KHDRBS1: variants seen among roughly 807,000 people sequenced by gnomAD.
KHDRBS1 encodes the protein KH domain-containing, RNA-binding, signal transduction-associated protein 1.
Under a neutral mutation model 48.4 loss-of-function variants are expected in KHDRBS1, and 7 were observed. That is an observed-to-expected ratio of 0.14 (90% CI 0.08 to 0.27). KHDRBS1 has a LOEUF of 0.27. KHDRBS1 is among the 10% of genes least tolerant of loss of function. The pLI is 1.00. For synonymous variants in KHDRBS1, 241 were observed against 235.8 expected (o/e 1.02, Z -0.20); for missense variants, 458 against 601.2 (o/e 0.76, Z 2.49).
intron 1 of KHDRBS1, among the ~76,000 whole-genome samples, chr1:32,021,947 A>T (rs1412448896): frequency 7.0e-6 from 1 of 142,812 alleles, no homozygotes; most frequent in East Asian, 2.1e-4. Context: ...CACCACACCC[A>T]GCGGCACATT....
Position 32,049,374 on chromosome 1 carries a change from C to CG in KHDRBS1, n.1301+3986dup, listed in dbSNP as rs563745208. ...TCAGCTGACTGGCCTCCTTTCACTT[C>CG]GGATGTTTTCAAGGTTCATCCATGT... On this transcript the variant is annotated intron_variant and non_coding_transcript_variant, in intron 10 of 10. Transcript: ENST00000484270. 8.6e-5 allele frequency among the ~76,000 whole-genome samples: 13 copies of CG among 151,610 alleles called. No individual in the cohort carries two copies. In the East Asian group the frequency reaches 2.5e-3, roughly 29 times the overall value.
rs779302687 is a variant in KHDRBS1, at chr1:32,014,057, T to C, written c.62T>C (p.Met21Thr). Residue 21 changes from methionine (M) to threonine (T), a missense_variant, in exon 1 of 9, where the codon ATG (methionine) becomes ACG (threonine). This residue lies in a region of KHDRBS1 where 213 missense variants were observed against 215.6 expected (regional missense o/e 0.99). Transcript: ENST00000327300. ...MSRSSGRSGSMDPSGAHPSVR... is the reference protein window; with the variant it reads ...MSRSSGRSGSTDPSGAHPSVR... ...CGGTCTTCGGGCCGTAGCGGCTCCA[T>C]GGACCCCTCCGGTGCCCACCCCTCG... 22 of 1,511,450 alleles carry C rather than the reference T, an allele frequency of 1.5e-5. No individual in the cohort carries two copies. Among genetic ancestry groups the C allele is most frequent in the Non-Finnish European group, 1.7e-5 (19 of 1,140,260 alleles). The allele number at this position is 1,511,450 out of a possible 1,614,324, so 93.6% of individuals were successfully genotyped here.
chr1:32,016,499 G>T (rs1638743317), intron 1 of KHDRBS1, among the ~76,000 whole-genome samples: 1 of 151,776 alleles, frequency 6.6e-6, no homozygotes, highest in Admixed American at 6.6e-5. Context: ...ATCTATCTGG[G>T]ATGATAGGTG....
chr1:32,031,669 C>T, intron 3 of KHDRBS1, 29 bp downstream of exon 3: 4 of 1,375,144 alleles, frequency 2.9e-6, no homozygotes, highest in African/African-American at 1.5e-5. Flanking sequence ...GGCAAGAGGA[C>T]ATCCTAATGC....
rs1209701252 is a variant in KHDRBS1, at chr1:32,042,880, T to C, written c.*256T>C. 2 of 270,618 alleles carry C rather than the reference T, an allele frequency of 7.4e-6. No homozygotes were observed. Among genetic ancestry groups the C allele is most frequent in the African/African-American group, 2.2e-5 (1 of 45,516 alleles). 16.8% of individuals were successfully genotyped at this position (270,618 alleles called of 1,614,324 possible). On this transcript the variant is annotated 3_prime_UTR_variant, in exon 9 of 9. Coordinates refer to ENST00000327300, the MANE Select transcript of KHDRBS1 (RefSeq NM_006559.3). ...TTAAGTGTGTAGATGCTTTTTTCTT[T>C]GTTGTTTAAATATAAACAGAAGTGT...
intron 1 of KHDRBS1, among the ~76,000 whole-genome samples, chr1:32,028,128 A>G (rs10914522): frequency 0.015 from 2,359 of 152,306 alleles, 22 homozygotes; most frequent in Middle Eastern, 0.058. Context: ...AAAAATAATA[A>G]TTAATAAATA....
intron 10 of KHDRBS1, among the ~76,000 whole-genome samples, chr1:32,049,666 A>AT (rs927296646): frequency 1.9e-3 from 262 of 137,656 alleles, no homozygotes; most frequent in East Asian, 7.9e-3. Context: ...TTTATTTTTT[A>AT]TTTTTTTTTT....
At chr1:32,045,377 A>G (rs909563876), downstream of KHDRBS1, 20 of 152,654 alleles carry the variant, frequency 1.3e-4, no homozygotes, top group African/African-American at 4.8e-4. Flanking sequence ...ATGGGTAGTG[A>G]AGACCCATGT....
rs901123254 is a variant in KHDRBS1 at position 32,042,935 on chromosome 1, T to TA, written c.*323dup. The TA allele has an allele frequency of 7.4e-3, 1,151 of 155,762 alleles. 1 individual carries two copies. Among genetic ancestry groups the TA allele is most frequent in the Middle Eastern group, 0.018 (6 of 338 alleles). 9.6% of individuals were successfully genotyped at this position (155,762 alleles called of 1,614,324 possible). ...TTTATAATAAAAAAAAGAAGTTGAG[T>TA]AAAAAAAAAAAACACACAAACCTGT... On this transcript the variant is annotated 3_prime_UTR_variant, in exon 9 of 9. Transcript: ENST00000327300.
chr1:32,058,091 CTG>C (rs1323238272), intron 10 of KHDRBS1, among the ~76,000 whole-genome samples: 4 of 151,178 alleles, frequency 2.6e-5, no homozygotes, highest in African/African-American at 9.7e-5. Flanking sequence ...GTACTCCAGA[CTG>C]GGCAATAAGA....
chr1:32,050,525 T>C (rs1334832738), intron 10 of KHDRBS1, among the ~76,000 whole-genome samples: 1 of 152,132 alleles, frequency 6.6e-6, no homozygotes, highest in Non-Finnish European at 1.5e-5. Flanking sequence ...GTTTGTTTGT[T>C]TTTTGGAGAC....
chr1:32,037,083 T>C, intron 5 of KHDRBS1, 40 bp downstream of exon 5: 1 of 1,601,674 alleles, frequency 6.2e-7, no homozygotes. Context: ...GATGTGAATT[T>C]GACTACTAGT....
At position 32,033,225 on chromosome 1, in the gene KHDRBS1, C is replaced by T. The variant is rs1160997272; in HGVS notation, c.662C>T (p.Ala221Val). The T allele has an allele frequency of 2.5e-6, 4 of 1,613,914 alleles. No homozygotes were observed. In the Admixed American group the frequency reaches 6.7e-5, roughly 27 times the overall value. Residue 221 changes from alanine (A) to valine (V), a missense_variant, in exon 4 of 9, where the codon GCC (alanine) becomes GTC (valine). Coordinates refer to ENST00000327300, the MANE Select transcript of KHDRBS1 (RefSeq NM_006559.3). ...ELRKGGDPKY[A>V]HLNMDLHVFI... ...CGCAAAGGTGGAGACCCCAAATATG[C>T]CCACTTGAATATGGATCTGCATGTC...
intron 3 of KHDRBS1, among the ~76,000 whole-genome samples, chr1:32,032,160 G>A (rs945340096): frequency 7.2e-5 from 11 of 152,190 alleles, no homozygotes; most frequent in Non-Finnish European, 8.8e-5. Context: ...AATCTAATGC[G>A]TCTTTTTTTT....
chr1:32,030,276 ATAAAT>A lies in KHDRBS1; in HGVS notation c.383-20_383-16del. 1 of 1,599,090 alleles carries A rather than the reference ATAAAT, an allele frequency of 6.3e-7. No homozygotes were observed. Among genetic ancestry groups the A allele is most frequent in the Non-Finnish European group, 8.5e-7 (1 of 1,173,750 alleles). ...TTTGCATTTATTTACCAGGGCAAAA[ATAAAT>A]TGTTTTTCCTATTCAGAAATTGAGA... On this transcript the variant is annotated splice_polypyrimidine_tract_variant and intron_variant, in intron 1 of 8. Transcript: ENST00000327300.
intron 2 of KHDRBS1, 27 bp downstream of exon 2, chr1:32,030,449 T>C: frequency 6.3e-7 from 1 of 1,584,298 alleles, no homozygotes; most frequent in Non-Finnish European, 8.6e-7. Context: ...TTTGGATCTT[T>C]GAGTTATCTT....
At chr1:32,050,307 T>C (rs1034832312) in intron 10 of KHDRBS1, among the ~76,000 whole-genome samples, 4 of 152,240 alleles carry the variant, frequency 2.6e-5, no homozygotes, top group Non-Finnish European at 4.4e-5. Context: ...TTGTCAGATG[T>C]ATGATTTGCA....
At chr1:32,029,879 C>T (rs1306317205) in intron 1 of KHDRBS1, among the ~76,000 whole-genome samples, 5 of 151,970 alleles carry the variant, frequency 3.3e-5, no homozygotes, top group African/African-American at 4.8e-5. Flanking sequence ...CTAATGTCAC[C>T]GTGGAACTTT....
intron 1 of KHDRBS1, among the ~76,000 whole-genome samples, chr1:32,018,603 A>G (rs2124356285): frequency 1.3e-5 from 2 of 151,980 alleles, no homozygotes; most frequent in East Asian, 3.9e-4. Context: ...AAAGATACAA[A>G]AAAATTAGCC....
Sources: gnomAD v4.1 joint callset for allele counts (sites outside exome capture counted in the v4.1 genomes callset) on GRCh38, gnomAD v4.1.1 for gene constraint, gnomAD v4.1.1 regional missense constraint, MANE v1.5 for transcripts, NCBI Gene and HGNC (gene_info 2026-07-23, HGNC 2026-07-21) for gene names.